The following DLG2 variants were observed in gnomAD, a reference collection of about 807,000 sequenced individuals.
DLG2 encodes discs large MAGUK scaffold protein 2, also known as disks large homolog 2.
A neutral mutation model predicts 132.5 loss-of-function variants in DLG2; 45 were observed. The ratio of observed to expected loss-of-function variants is 0.34; its 90% confidence interval spans 0.27 to 0.44. The LOEUF is 0.44. Ranked by LOEUF, DLG2 falls within the 20% of genes least tolerant of loss-of-function variation. The probability of loss-of-function intolerance (pLI) is 1.00; values close to 1 mark genes in which losing one functional copy is unlikely to be tolerated. For synonymous variants in DLG2, 424 were observed against 419.6 expected, an observed-to-expected ratio of 1.01 and a Z score of -0.13; for missense variants, 1,045 against 1,196.9, an observed-to-expected ratio of 0.87 and a Z score of 1.87.
chr11:85,474,900 A>G (rs1251637772), intron 3 of DLG2, among the ~76,000 whole-genome samples: 1 of 151,676 alleles, frequency 6.6e-6, no homozygotes, highest in African/African-American at 2.4e-5. Flanking sequence ...TGCTTACATT[A>G]GAAAAGAAAA....
At chr11:84,032,880 C>T (rs939317711) in intron 11 of DLG2, among the ~76,000 whole-genome samples, 14 of 152,204 alleles carry the variant, frequency 9.2e-5, no homozygotes, top group Admixed American at 5.2e-4. Flanking sequence ...ATCTACTCTG[C>T]CTGTACTCTA....
At chr11:83,843,980 T>G (rs2058115115) in intron 16 of DLG2, among the ~76,000 whole-genome samples, 1 of 152,026 alleles carries the variant, frequency 6.6e-6, no homozygotes, top group African/African-American at 2.4e-5. Flanking sequence ...AGGATGAAAA[T>G]GAAGCAGAAA....
At chr11:83,681,352 A>C (rs1189311421) in intron 18 of DLG2, among the ~76,000 whole-genome samples, 1 of 152,136 alleles carries the variant, frequency 6.6e-6, no homozygotes, top group Non-Finnish European at 1.5e-5. Flanking sequence ...GACCTGGAGC[A>C]AATACCCGGA....
intron 9 of DLG2, among the ~76,000 whole-genome samples, chr11:84,118,654 G>T (rs191665745): frequency 2.0e-5 from 3 of 152,270 alleles, no homozygotes; most frequent in Non-Finnish European, 4.4e-5. Flanking sequence ...TACTTAACCC[G>T]AGTATAAACA....
intron 3 of DLG2, among the ~76,000 whole-genome samples, chr11:85,590,407 G>T (rs2079237590): frequency 6.6e-6 from 1 of 152,072 alleles, no homozygotes; most frequent in Non-Finnish European, 1.5e-5. Context: ...CTGCTTAAAG[G>T]TAGAAAATAT....
chr11:84,770,204 T>G lies in DLG2; in HGVS notation c.358-235473A>C, dbSNP rs114157876. ...ACATTCCTATTCCCACTTCACCTTC[T>G]CCCATGAGTAAAAGTTCCCTGAGGC... is the stretch of plus-strand genomic sequence containing the variant. On this transcript the variant is annotated intron_variant, in intron 6 of 27. Coordinates refer to ENST00000376104, the MANE Select transcript of DLG2 (RefSeq NM_001142699.3). Among the ~76,000 whole-genome samples the G allele has an allele frequency of 7.3e-3, 1,114 of 152,184 alleles. 17 individuals carry two copies. The highest frequency in any genetic ancestry group is 0.024 in the African/African-American group (1,016 of 41,504).
chr11:83,582,651 A>G (rs2097001891), intron 19 of DLG2, among the ~76,000 whole-genome samples: 1 of 152,206 alleles, frequency 6.6e-6, no homozygotes. Context: ...TGTGGGATAT[A>G]TAAGTCTGCT....
At chr11:83,522,340 G>T (rs2095502552) in intron 21 of DLG2, among the ~76,000 whole-genome samples, 1 of 143,150 alleles carries the variant, frequency 7.0e-6, no homozygotes, top group African/African-American at 2.6e-5. Context: ...TGTACCAAAA[G>T]AAAGTCTTGG....
rs1307418697 is a variant in DLG2 at position 85,120,596 on chromosome 11, A to G, written c.283-8861T>C. The stretch of plus-strand genomic sequence containing the variant: ...TTTAGAACTCTATTTAAAAACAAAT[A>G]ATTTATTTTATTTTAGGGTATCTTA... On this transcript the variant is annotated intron_variant, in intron 5 of 27. Transcript: ENST00000376104. 4.6e-5 allele frequency among the ~76,000 whole-genome samples: 7 copies of G among 151,996 alleles called. No homozygotes were observed. The East Asian group carries it at 1.3e-3, about 29-fold the overall frequency.
chr11:84,486,113 G>A (rs1038344951), intron 7 of DLG2, among the ~76,000 whole-genome samples: 1 of 152,028 alleles, frequency 6.6e-6, no homozygotes, highest in Non-Finnish European at 1.5e-5. Flanking sequence ...ACCTATAAGG[G>A]GACCTAGTAA....
intron 18 of DLG2, chr11:83,684,516 A>G (rs907375707): frequency 3.3e-5 from 5 of 152,312 alleles, no homozygotes; most frequent in African/African-American, 9.6e-5. Context: ...TTTCCTGACC[A>G]TACTTAATAG....
chr11:83,688,800 A>G (rs1302387616), intron 18 of DLG2, among the ~76,000 whole-genome samples: 1 of 152,132 alleles, frequency 6.6e-6, no homozygotes, highest in East Asian at 1.9e-4. Flanking sequence ...TTGTTTATCT[A>G]TTATCTGGTC....
intron 6 of DLG2, among the ~76,000 whole-genome samples, chr11:85,039,293 T>C (rs1566710733): frequency 6.6e-6 from 1 of 151,906 alleles, no homozygotes; most frequent in Non-Finnish European, 1.5e-5. Context: ...TTCCCCAAAG[T>C]TTGCCGTCTC....
At chr11:83,691,616 ACTGGCTCAG>A (rs2081015376) in intron 18 of DLG2, among the ~76,000 whole-genome samples, 1 of 152,032 alleles carries the variant, frequency 6.6e-6, no homozygotes. Context: ...TCAAACTTAC[ACTGGCTCAG>A]CTGGTTCTAG....
chr11:84,578,085 T>A (rs544956565), intron 6 of DLG2, among the ~76,000 whole-genome samples: 1 of 152,166 alleles, frequency 6.6e-6, no homozygotes, highest in Admixed American at 6.5e-5. Flanking sequence ...ATGTCAAGAA[T>A]TGAAGTTTCA....
chr11:84,418,307 G>C (rs2098936823), intron 7 of DLG2, among the ~76,000 whole-genome samples: 1 of 152,122 alleles, frequency 6.6e-6, no homozygotes, highest in Non-Finnish European at 1.5e-5. Context: ...CATAGGGGCT[G>C]AAAAGTCCCA....
At chr11:84,757,778 T>C (rs2067081948) in intron 6 of DLG2, among the ~76,000 whole-genome samples, 1 of 152,184 alleles carries the variant, frequency 6.6e-6, no homozygotes, top group Non-Finnish European at 1.5e-5. Context: ...TTTCCCACCA[T>C]GCCATGTTGC....
At chr11:84,346,957 T>A (rs1253683955) in intron 7 of DLG2, among the ~76,000 whole-genome samples, 1 of 152,242 alleles carries the variant, frequency 6.6e-6, no homozygotes, top group East Asian at 1.9e-4. Context: ...TAATGTTCAA[T>A]GTATCTAGGA....
chr11:84,112,035 CAG>C (rs1323199008), intron 9 of DLG2, among the ~76,000 whole-genome samples: 3 of 151,630 alleles, frequency 2.0e-5, no homozygotes, highest in Admixed American at 6.6e-5. Context: ...CTTTTTGAGA[CAG>C]AGTCTCACTC....
Sources: allele counts gnomAD v4.1 joint callset (sites outside exome capture counted in the v4.1 genomes callset), GRCh38; gene constraint gnomAD v4.1.1; transcripts MANE v1.5; gene names NCBI Gene and HGNC (gene_info 2026-07-23, HGNC 2026-07-21).